The following VIT variants were observed in gnomAD, a reference collection of about 807,000 sequenced individuals.
VIT encodes vitrin.
VIT carries 99 observed loss-of-function variants against 78.0 expected under a neutral mutation model. The ratio of observed to expected loss-of-function variants is 1.27; its 90% CI spans 1.08 to 1.50. The LOEUF (loss-of-function observed/expected upper bound fraction) is 1.50. Among genes scored for constraint, VIT ranks in the 40% most tolerant of loss-of-function variants. The pLI is 0.00. For missense variants in VIT, 1,126 were observed against 875.3 expected (o/e 1.29, Z -3.61); for synonymous variants, 374 against 334.3 (o/e 1.12, Z -1.29).
At chr2:36,780,256 A>G (rs988231244) in intron 9 of VIT, among the ~76,000 whole-genome samples, 3 of 152,248 alleles carry the variant, frequency 2.0e-5, no homozygotes, top group Admixed American at 2.0e-4. Flanking sequence ...GGGACTGTTT[A>G]TCTCTTGATA....
chr2:36,707,950 T>C (rs1009702604), intron 1 of VIT, among the ~76,000 whole-genome samples: 1 of 152,058 alleles, frequency 6.6e-6, no homozygotes, highest in East Asian at 1.9e-4. Flanking sequence ...TGGCACTCTC[T>C]CTCTCTTTCA....
At chr2:36,739,666 C>CT (rs1296970816) in intron 3 of VIT, among the ~76,000 whole-genome samples, 1 of 152,112 alleles carries the variant, frequency 6.6e-6, no homozygotes, top group Non-Finnish European at 1.5e-5. Context: ...TACTGAGGTG[C>CT]TCTAATGTGA....
At position 36,805,464 on chromosome 2, in the gene VIT, A is replaced by T; in HGVS notation, c.1189A>T (p.Asn397Tyr). 1 of 1,612,930 alleles carries T rather than the reference A, an allele frequency of 6.2e-7. No homozygotes were observed. Residue 397 changes from asparagine (N) to tyrosine (Y), a missense_variant, in exon 14 of 16, where the codon AAC becomes TAC. Transcript: ENST00000379242. Reference sequence around the variant, plus strand: ...TCGGGCCATCTCCTTTGTGACCAAGAACTTCTTTTCCAAAGCCAATGGAAA... The same window carrying T: ...TCGGGCCATCTCCTTTGTGACCAAGTACTTCTTTTCCAAAGCCAATGGAAA... Reference protein sequence around the residue: ...VGRAISFVTKNFFSKANGNRS... With the variant: ...VGRAISFVTKYFFSKANGNRS...
intron 3 of VIT, among the ~76,000 whole-genome samples, chr2:36,733,699 T>TA (rs1667340628): frequency 6.6e-6 from 1 of 152,196 alleles, no homozygotes; most frequent in Admixed American, 6.5e-5. Flanking sequence ...GACAGACAAT[T>TA]ACAATTTCTC....
rs563991718 is a variant in VIT, at chr2:36,706,914, G to A, written c.-18-9439G>A. Among the ~76,000 whole-genome samples the A allele has an allele frequency of 5.9e-5, 9 of 152,234 alleles. No homozygotes were observed. The South Asian group carries it at 1.0e-3, about 18-fold the overall frequency. On this transcript the variant is annotated intron_variant, in intron 1 of 15. Coordinates refer to ENST00000379242, the MANE Select transcript of VIT (RefSeq NM_053276.4). ...GAGGAGTTGGCAGGGTAGAAAGTGC[G>A]CAATATTAAGTTGGAGACCTGGGCT...
At chr2:36,793,756 T>G (rs932238068) in intron 12 of VIT, among the ~76,000 whole-genome samples, 2 of 152,202 alleles carry the variant, frequency 1.3e-5, no homozygotes, top group Non-Finnish European at 2.9e-5. Flanking sequence ...TTATGATTAG[T>G]TAATATTTCT....
intron 14 of VIT, among the ~76,000 whole-genome samples, chr2:36,807,879 C>G (rs915126015): frequency 6.6e-6 from 1 of 152,112 alleles, no homozygotes; most frequent in African/African-American, 2.4e-5. Flanking sequence ...TAGTTTGTTC[C>G]TTTGTGGCAG....
chr2:36,757,920 T>C (rs931785461), intron 5 of VIT, among the ~76,000 whole-genome samples: 3 of 152,184 alleles, frequency 2.0e-5, no homozygotes, highest in Non-Finnish European at 2.9e-5. Context: ...CCTAGGTTCT[T>C]ACCTAGACCC....
In VIT at chr2:36,805,584, A is replaced by G. The variant is rs1172183482; in HGVS notation, c.1309A>G (p.Ile437Val). The G allele has an allele frequency of 6.2e-7, 1 of 1,614,190 alleles. No individual in the cohort carries two copies. Among genetic ancestry groups the G allele is most frequent in the Non-Finnish European group, 8.5e-7 (1 of 1,180,034 alleles). The change falls in exon 14 of 16, where the codon ATC becomes GTC. Residue 437 changes from isoleucine (I) to valine (V), a missense_variant. Physicochemically the swap from Ile to Val is conservative, Grantham distance 29. Transcript: ENST00000379242. Reference protein sequence around the residue: ...EASRLARESGINIFFITIEGA... With the variant: ...EASRLARESGVNIFFITIEGA... ...TTCAAGACTTGCGAGAGAGTCAGGA[A>G]TCAACATTTTCTTCATCACCATTGA...
At chr2:36,806,851 C>T (rs1390725349) in intron 14 of VIT, among the ~76,000 whole-genome samples, 1 of 152,242 alleles carries the variant, frequency 6.6e-6, no homozygotes, top group Non-Finnish European at 1.5e-5. Context: ...GCGTGGGCCA[C>T]TGCGCCCGGC....
Position 36,708,952 on chromosome 2 carries a change from C to T in VIT, c.-18-7401C>T, listed in dbSNP as rs142259198. 4.8e-3 allele frequency among the ~76,000 whole-genome samples: 724 copies of T among 152,184 alleles called. 5 individuals are homozygous for T. Among genetic ancestry groups the T allele is most frequent in the African/African-American group, 0.017 (690 of 41,516 alleles). On this transcript the variant is annotated intron_variant, in intron 1 of 15. Coordinates refer to ENST00000379242, the MANE Select transcript of VIT (RefSeq NM_053276.4). ...ATCACCTGAAGTCAGAAGTTCGAGACGAGCGTGACCAACATGGTGAAACCT... is the reference window on the plus strand; with the variant it reads ...ATCACCTGAAGTCAGAAGTTCGAGATGAGCGTGACCAACATGGTGAAACCT...
Position 36,805,554 on chromosome 2 carries a change from G to A in VIT, c.1279G>A (p.Glu427Lys). The change falls in exon 14 of 16, where the codon GAG (glutamate) becomes AAG (lysine). Residue 427 changes from glutamate to lysine, a missense_variant. By Grantham distance (56) the Glu-to-Lys change is moderately conservative. Coordinates refer to ENST00000379242, the MANE Select transcript of VIT (RefSeq NM_053276.4). ...TGGCTGGCCCACGGACAAAGTGGAG[G>A]AGGCTTCAAGACTTGCGAGAGAGTC... is the stretch of plus-strand genomic sequence containing the variant. ...VDGWPTDKVEEASRLARESGI... is the reference protein window; with the variant it reads ...VDGWPTDKVEKASRLARESGI... 4.3e-6 allele frequency: 7 copies of A among 1,614,114 alleles called. No individual in the cohort carries two copies. In the South Asian group the frequency reaches 7.7e-5, roughly 18 times the overall value.
chr2:36,801,085 A>G (rs1003326759), intron 12 of VIT, among the ~76,000 whole-genome samples: 1 of 152,228 alleles, frequency 6.6e-6, no homozygotes, highest in Non-Finnish European at 1.5e-5. Flanking sequence ...AAGATCACAC[A>G]GCCAGGAAAT....
chr2:36,706,989 A>T (rs1226468981), intron 1 of VIT, among the ~76,000 whole-genome samples: 1 of 151,996 alleles, frequency 6.6e-6, no homozygotes, highest in Non-Finnish European at 1.5e-5. Context: ...AGGAATTATA[A>T]TGTCCATTTC....
At chr2:36,804,418 G>A (rs1184123888) in intron 13 of VIT, among the ~76,000 whole-genome samples, 1 of 152,212 alleles carries the variant, frequency 6.6e-6, no homozygotes, top group Non-Finnish European at 1.5e-5. Context: ...GCTGCAGGGG[G>A]CCAAGAAGAG....
intron 2 of VIT, among the ~76,000 whole-genome samples, chr2:36,719,833 G>A (rs914015157): frequency 1.3e-5 from 2 of 152,086 alleles, no homozygotes; most frequent in Non-Finnish European, 2.9e-5. Context: ...CCTAGCTACT[G>A]GGGAGTCTGA....
intron 1 of VIT, among the ~76,000 whole-genome samples, chr2:36,703,973 G>A (rs1457079378): frequency 2.9e-5 from 4 of 140,042 alleles, no homozygotes; most frequent in African/African-American, 1.1e-4. Context: ...TCGCCAGGCT[G>A]GAGTGCAGTG....
chr2:36,720,439 C>T (rs770627031), intron 2 of VIT, among the ~76,000 whole-genome samples: 38 of 152,036 alleles, frequency 2.5e-4, no homozygotes, highest in South Asian at 4.1e-4. Context: ...TATATCCACA[C>T]GCAGAAGAAT....
At position 36,716,003 on chromosome 2, in the gene VIT, A is replaced by C. The variant is rs80053266; in HGVS notation, c.-18-350A>C. 3.1e-4 allele frequency among the ~76,000 whole-genome samples: 47 copies of C among 152,332 alleles called. No individual in the cohort carries two copies. In the South Asian group the frequency reaches 6.2e-3, roughly 20 times the overall value. On this transcript the variant is annotated intron_variant, in intron 1 of 15. Transcript: ENST00000379242. ...TGAAGTATTAATAATTGTAATCTAA[A>C]TATGTTTTCTGAATGCCATAAATGT... is the stretch of plus-strand genomic sequence containing the variant.
Sources: gnomAD v4.1 joint callset for allele counts (sites outside exome capture counted in the v4.1 genomes callset) on GRCh38, gnomAD v4.1.1 for gene constraint, MANE v1.5 for transcripts, NCBI Gene and HGNC (gene_info 2026-07-23, HGNC 2026-07-21) for gene names.